The following DLC1 variants were observed in gnomAD, a reference collection of about 807,000 sequenced individuals.
The protein encoded by DLC1 is rho GTPase-activating protein 7.
A neutral mutation model predicts 140.3 loss-of-function variants in DLC1; 54 were observed. That is an observed-to-expected ratio of 0.38 (90% CI 0.31 to 0.48). The LOEUF (loss-of-function observed/expected upper bound fraction) is 0.48, where lower values mean the gene tolerates loss of function less well. Ranked by LOEUF, DLC1 falls within the 20% of genes least tolerant of loss-of-function variation. The probability of loss-of-function intolerance (pLI) is 0.96; values close to 1 mark genes in which losing one functional copy is unlikely to be tolerated. For synonymous variants in DLC1, 986 were observed against 728.1 expected (o/e 1.35, Z -5.70); for missense variants, 2,536 against 1,907.0 (o/e 1.33, Z -6.14).
chr8:13,460,978 C>T (rs1292781475), intron 2 of DLC1, among the ~76,000 whole-genome samples: 3 of 152,134 alleles, frequency 2.0e-5, no homozygotes, highest in Non-Finnish European at 2.9e-5. Context: ...TTTGGGAGGC[C>T]AAGGCAGGAG....
chr8:13,099,246 G>C (rs1818771067), intron 9 of DLC1, 101 bp downstream of exon 9: 22 of 1,500,584 alleles, frequency 1.5e-5, no homozygotes, highest in Non-Finnish European at 2.0e-5. Context: ...ACATGGCTAA[G>C]AATGCCAGAC....
chr8:13,350,444 G>C (rs562076843), intron 4 of DLC1, among the ~76,000 whole-genome samples: 1 of 152,132 alleles, frequency 6.6e-6, no homozygotes, highest in Non-Finnish European at 1.5e-5. Context: ...GGCCAGGCGT[G>C]GTGGCTCACG....
chr8:13,568,484 G>A (rs757089050), intron 1 of DLC1, among the ~76,000 whole-genome samples: 2 of 152,132 alleles, frequency 1.3e-5, no homozygotes, highest in Admixed American at 6.6e-5. Context: ...GAAAGGTATA[G>A]CCTAGAGGTG....
intron 2 of DLC1, among the ~76,000 whole-genome samples, chr8:13,489,449 A>ACACACACACACACACACACAC (rs56002951): frequency 1.3e-5 from 2 of 149,908 alleles, no homozygotes; most frequent in African/African-American, 4.9e-5. Context: ...ACACACACAC[A>ACACACACACACACACACACAC]AAATGTTGCT....
chr8:13,293,983 G>A (rs756792260), intron 5 of DLC1, among the ~76,000 whole-genome samples: 2 of 152,042 alleles, frequency 1.3e-5, no homozygotes, highest in East Asian at 1.9e-4. Context: ...TAATTTTATC[G>A]AACACTCAGG....
chr8:13,517,893 C>T (rs760161545), upstream of DLC1, among the ~76,000 whole-genome samples: 4 of 152,158 alleles, frequency 2.6e-5, no homozygotes, highest in Non-Finnish European at 5.9e-5. Flanking sequence ...AAGCCATTAG[C>T]TAGAATTATT....
chr8:13,176,860 C>T (rs1431204), intron 5 of DLC1, among the ~76,000 whole-genome samples: 66,900 of 151,828 alleles, frequency 0.44, 15,518 homozygotes, highest in East Asian at 0.84. Context: ...ATGAGATAGA[C>T]GACAAGGTCA....
chr8:13,562,189 T>C (rs992786511), intron 1 of DLC1, among the ~76,000 whole-genome samples: 3 of 152,038 alleles, frequency 2.0e-5, no homozygotes, highest in Admixed American at 6.5e-5. Context: ...TAAAAACTAG[T>C]GTAAACAATC....
intron 5 of DLC1, among the ~76,000 whole-genome samples, chr8:13,239,610 A>G (rs941530223): frequency 3.3e-5 from 5 of 152,174 alleles, no homozygotes; most frequent in Non-Finnish European, 7.3e-5. Context: ...TAAGCAACCA[A>G]CGAAAAAATT....
At chr8:13,471,279 G>C (rs1384364021) in intron 2 of DLC1, among the ~76,000 whole-genome samples, 2 of 151,238 alleles carry the variant, frequency 1.3e-5, no homozygotes, top group South Asian at 2.1e-4. Flanking sequence ...CTTGAAATTT[G>C]CTAAGAGGAT....
intron 4 of DLC1, among the ~76,000 whole-genome samples, chr8:13,363,542 T>C (rs1835341881): frequency 6.6e-6 from 1 of 152,116 alleles, no homozygotes; most frequent in Non-Finnish European, 1.5e-5. Context: ...GTTCTGTCTA[T>C]TACACAGAAG....
intron 2 of DLC1, among the ~76,000 whole-genome samples, chr8:13,423,723 G>A (rs1353211848): frequency 6.6e-6 from 1 of 152,224 alleles, no homozygotes; most frequent in East Asian, 1.9e-4. Flanking sequence ...GATGTTTACT[G>A]ATGACTAAAA....
chr8:13,111,699 A>G (rs932893264), intron 6 of DLC1, among the ~76,000 whole-genome samples: 8 of 152,122 alleles, frequency 5.3e-5, no homozygotes, highest in African/African-American at 1.7e-4. Flanking sequence ...ACCCTCTTGG[A>G]GTCCCAACTA....
chr8:13,508,774 T>C (rs925396143), intron 1 of DLC1, among the ~76,000 whole-genome samples: 2 of 152,190 alleles, frequency 1.3e-5, no homozygotes, highest in African/African-American at 2.4e-5. Flanking sequence ...TTTTATTTTT[T>C]TTTAAGTATG....
At chr8:13,154,279 C>G (rs933412327) in intron 5 of DLC1, among the ~76,000 whole-genome samples, 12 of 152,332 alleles carry the variant, frequency 7.9e-5, no homozygotes, top group African/African-American at 2.9e-4. Flanking sequence ...AGACTCGGGC[C>G]TGCGGGAGCC....
At chr8:13,211,803 G>A (rs570359014) in intron 5 of DLC1, among the ~76,000 whole-genome samples, 4 of 152,250 alleles carry the variant, frequency 2.6e-5, no homozygotes, top group African/African-American at 9.6e-5. Context: ...AAACTAGGCT[G>A]GAATTGAAAA....
At chr8:13,247,358 C>G (rs1829809044) in intron 5 of DLC1, among the ~76,000 whole-genome samples, 1 of 152,162 alleles carries the variant, frequency 6.6e-6, no homozygotes, top group African/African-American at 2.4e-5. Context: ...ATAGAAGACA[C>G]AATACCTTTC....
intron 2 of DLC1, among the ~76,000 whole-genome samples, chr8:13,433,413 A>T (rs1838976825): frequency 6.6e-6 from 1 of 152,178 alleles, no homozygotes; most frequent in African/African-American, 2.4e-5. Flanking sequence ...GATCAAGAAA[A>T]AGCATGGATT....
chr8:13,555,551 G>A (rs1804013978), intron 1 of DLC1, among the ~76,000 whole-genome samples: 1 of 151,802 alleles, frequency 6.6e-6, no homozygotes, highest in Non-Finnish European at 1.5e-5. Flanking sequence ...GAGGGCAGTG[G>A]TATGATCTCG....
Sources: allele counts gnomAD v4.1 joint callset (sites outside exome capture counted in the v4.1 genomes callset), GRCh38; gene constraint gnomAD v4.1.1; transcripts MANE v1.5; gene names NCBI Gene and HGNC (gene_info 2026-07-23, HGNC 2026-07-21).